The following LAMA2 variants were observed in gnomAD, a reference collection of about 807,000 sequenced individuals.
The protein encoded by LAMA2 is laminin subunit alpha-2.
Under a neutral mutation model 364.8 loss-of-function variants are expected in LAMA2, and 269 were observed. That is an observed-to-expected ratio of 0.74 (90% CI 0.67 to 0.82). The LOEUF (loss-of-function observed/expected upper bound fraction) is 0.82, where lower values mean the gene tolerates loss of function less well. LAMA2 is among the 40% of genes least tolerant of loss of function. The probability of loss-of-function intolerance (pLI) is 0.00; values close to 1 mark genes in which losing one functional copy is unlikely to be tolerated. For missense variants in LAMA2, 3,807 were observed against 3,873.2 expected, an observed-to-expected ratio of 0.98 and a Z score of 0.45; for synonymous variants, 1,379 against 1,370.6, an observed-to-expected ratio of 1.01 and a Z score of -0.14.
intron 1 of LAMA2, among the ~76,000 whole-genome samples, chr6:128,935,230 A>G (rs1026589948): frequency 2.1e-4 from 4 of 19,250 alleles, no homozygotes; most frequent in Non-Finnish European, 4.8e-4. Context: ...CACCCCCCCC[A>G]ACAGACCCCA....
At chr6:128,934,950 G>A (rs1008884065) in intron 1 of LAMA2, among the ~76,000 whole-genome samples, 1 of 152,100 alleles carries the variant, frequency 6.6e-6, no homozygotes, top group Non-Finnish European at 1.5e-5. Flanking sequence ...CCATTTATTT[G>A]TGTTGTCTTC....
chr6:129,199,679 A>C (rs1271231087), intron 12 of LAMA2, among the ~76,000 whole-genome samples: 2 of 152,190 alleles, frequency 1.3e-5, no homozygotes, highest in Non-Finnish European at 2.9e-5. Flanking sequence ...TTATATCAAC[A>C]ACACTTTTCA....
intron 12 of LAMA2, among the ~76,000 whole-genome samples, chr6:129,195,791 C>G (rs1200951555): frequency 6.6e-6 from 1 of 152,150 alleles, no homozygotes; most frequent in Non-Finnish European, 1.5e-5. Context: ...ACAAAGAATC[C>G]TGCTGGTTTG....
At position 129,496,177 on chromosome 6, in the gene LAMA2, G is replaced by A. The variant is rs1785177013; in HGVS notation, c.8244+3694G>A. On this transcript the variant is annotated intron_variant, in intron 58 of 64. Coordinates refer to ENST00000421865, the MANE Select transcript of LAMA2 (RefSeq NM_000426.4). ...TTTTTGTTTGTTTGTTTGTTTGTCT[G>A]TTTTTTGAGATGGAGTTTCACTCTT... Among the ~76,000 whole-genome samples the A allele has an allele frequency of 2.0e-5, 3 of 151,994 alleles. No homozygotes were observed. In the South Asian group the frequency reaches 6.2e-4, roughly 32 times the overall value.
At chr6:129,080,480 T>A (rs1485628135) in intron 3 of LAMA2, among the ~76,000 whole-genome samples, 2 of 152,196 alleles carry the variant, frequency 1.3e-5, no homozygotes, top group Admixed American at 1.3e-4. Context: ...CATATACATG[T>A]ATGGATGTAA....
At chr6:129,428,859 C>T (rs2114742835) in intron 41 of LAMA2, among the ~76,000 whole-genome samples, 1 of 152,280 alleles carries the variant, frequency 6.6e-6, no homozygotes, top group Admixed American at 6.5e-5. Context: ...TGGCTGCTCT[C>T]TATATGAGCC....
chr6:129,412,684 A>T (rs1227688564), intron 40 of LAMA2, among the ~76,000 whole-genome samples: 1 of 152,258 alleles, frequency 6.6e-6, no homozygotes, highest in Admixed American at 6.5e-5. Flanking sequence ...CATGATGGAC[A>T]TAATTCAAGT....
Position 129,342,458 on chromosome 6 carries a change from C to T in LAMA2, c.4427C>T (p.Ser1476Phe). ...CAATGTGCCTGCCCTCTGATTTCTT[C>T]CAGTAACAAGTAAGATTGAGAAATA... ...CQQCACPLISSSNNFSPSCVA... is the reference protein window; with the variant it reads ...CQQCACPLISFSNNFSPSCVA... Residue 1476 changes from serine (S) to phenylalanine (F), a missense_variant, in exon 30 of 65, where the codon TCC becomes TTC. Coordinates refer to ENST00000421865, the MANE Select transcript of LAMA2 (RefSeq NM_000426.4). 1 of 1,613,048 alleles carries T rather than the reference C, an allele frequency of 6.2e-7. No homozygotes were observed. Among genetic ancestry groups the T allele is most frequent in the South Asian group, 1.1e-5 (1 of 91,064 alleles).
intron 30 of LAMA2, among the ~76,000 whole-genome samples, chr6:129,342,891 G>T (rs915336659): frequency 6.6e-6 from 1 of 151,944 alleles, no homozygotes; most frequent in African/African-American, 2.4e-5. Context: ...ATTCAAGATT[G>T]GGAAATAATT....
chr6:129,463,739 C>G (rs938283111), intron 49 of LAMA2, among the ~76,000 whole-genome samples: 1 of 151,904 alleles, frequency 6.6e-6, no homozygotes, highest in Non-Finnish European at 1.5e-5. Context: ...ATTGTATGTA[C>G]TAGATGTTTT....
At chr6:129,159,574 A>G (rs2114984850) in intron 8 of LAMA2, among the ~76,000 whole-genome samples, 1 of 152,356 alleles carries the variant, frequency 6.6e-6, no homozygotes, top group Non-Finnish European at 1.5e-5. Context: ...AAACGTACAC[A>G]TAAACAATCA....
chr6:129,230,930 T>C (rs1784636978), intron 12 of LAMA2, among the ~76,000 whole-genome samples: 1 of 152,112 alleles, frequency 6.6e-6, no homozygotes, highest in Non-Finnish European at 1.5e-5. Context: ...CAAGTCTTTC[T>C]TTTATAGGAC....
At chr6:129,400,950 A>T (rs1052637177) in intron 37 of LAMA2, among the ~76,000 whole-genome samples, 4 of 152,266 alleles carry the variant, frequency 2.6e-5, no homozygotes, top group Non-Finnish European at 4.4e-5. Context: ...TTTCTTTAAA[A>T]GTAGTTTTAA....
At chr6:129,402,046 A>T (rs1286661597) in intron 38 of LAMA2, among the ~76,000 whole-genome samples, 1 of 151,966 alleles carries the variant, frequency 6.6e-6, no homozygotes, top group African/African-American at 2.4e-5. Context: ...CGTCTCTATT[A>T]AATATTCAAA....
chr6:129,333,318 T>C (rs879802686), intron 29 of LAMA2, among the ~76,000 whole-genome samples: 1 of 152,216 alleles, frequency 6.6e-6, no homozygotes, highest in Non-Finnish European at 1.5e-5. Flanking sequence ...TTATTACTGA[T>C]TTTAATATGA....
intron 33 of LAMA2, among the ~76,000 whole-genome samples, chr6:129,369,526 T>G (rs1301059194): frequency 6.6e-6 from 1 of 152,208 alleles, no homozygotes; most frequent in Non-Finnish European, 1.5e-5. Flanking sequence ...GGAGTTTATC[T>G]TAACTCTACC....
chr6:129,229,723 T>C (rs568662273), intron 12 of LAMA2, among the ~76,000 whole-genome samples: 1 of 152,236 alleles, frequency 6.6e-6, no homozygotes, highest in South Asian at 2.1e-4. Context: ...ATTTTGAAGG[T>C]AATGCTGAAA....
At chr6:128,913,885 C>G (rs1468052718) in intron 1 of LAMA2, among the ~76,000 whole-genome samples, 1 of 152,022 alleles carries the variant, frequency 6.6e-6, no homozygotes, top group African/African-American at 2.4e-5. Flanking sequence ...TACATTATAG[C>G]CAAAGTCTTA....
At chr6:129,042,013 A>AAAAT (rs1367921717) in intron 1 of LAMA2, among the ~76,000 whole-genome samples, 3 of 150,032 alleles carry the variant, frequency 2.0e-5, no homozygotes, top group African/African-American at 7.4e-5. Context: ...AAAAAAAAAA[A>AAAAT]AATAGTTAAT....
Sources: gnomAD v4.1 joint callset for allele counts (sites outside exome capture counted in the v4.1 genomes callset) on GRCh38, gnomAD v4.1.1 for gene constraint, MANE v1.5 for transcripts, NCBI Gene and HGNC (gene_info 2026-07-23, HGNC 2026-07-21) for gene names.